Variants in PANK3 observed in about 807,000 individuals in gnomAD.
PANK3 encodes hPanK3.
In PANK3, 20 loss-of-function variants were observed where a neutral mutation model predicts 39.4. That is an observed-to-expected ratio of 0.51 (90% CI 0.36 to 0.74). The LOEUF is 0.74. PANK3 is among the 30% of genes least tolerant of loss of function. The pLI is 0.00. For synonymous variants in PANK3, 140 were observed against 157.3 expected (o/e 0.89, Z 0.82); for missense variants, 265 against 437.0 (o/e 0.61, Z 3.51).
At position 168,557,515 on chromosome 5, in the gene PANK3, T is replaced by G. The variant is rs1171131511; in HGVS notation, c.*56A>C. 29 of 1,488,424 alleles carry G rather than the reference T, an allele frequency of 1.9e-5. No homozygotes were observed. Among genetic ancestry groups the G allele is most frequent in the Non-Finnish European group, 2.5e-5 (27 of 1,068,468 alleles). 92.2% of individuals were successfully genotyped at this position (1,488,424 alleles called of 1,614,324 possible). ...TGACAAACAATGCAGTAATAATGCC[T>G]CTGGTTTTAGTTCCTCTTGGATGAC... On this transcript the variant is annotated 3_prime_UTR_variant, in exon 7 of 7. Coordinates refer to ENST00000239231, the MANE Select transcript of PANK3 (RefSeq NM_024594.4).
intron 4 of PANK3, among the ~76,000 whole-genome samples, chr5:168,563,067 T>C (rs552726447): frequency 6.6e-6 from 1 of 151,896 alleles, no homozygotes; most frequent in African/African-American, 2.4e-5. Flanking sequence ...ACTCACAAAA[T>C]ACCCTAAGAT....
At chr5:168,571,953 T>C (rs1034101799) in intron 1 of PANK3, among the ~76,000 whole-genome samples, 5 of 152,054 alleles carry the variant, frequency 3.3e-5, no homozygotes, top group Admixed American at 6.6e-5. Flanking sequence ...AAAAGTAAAA[T>C]GACATTAGAC....
chr5:168,576,688 A>G (rs1759735477), intron 1 of PANK3, among the ~76,000 whole-genome samples: 1 of 152,194 alleles, frequency 6.6e-6, no homozygotes, highest in South Asian at 2.1e-4. Context: ...TTGTTTAGCC[A>G]ATATAATATA....
chr5:168,573,020 A>G (rs1759668166), intron 1 of PANK3, among the ~76,000 whole-genome samples: 1 of 152,110 alleles, frequency 6.6e-6, no homozygotes, highest in Non-Finnish European at 1.5e-5. Context: ...GGATGAATTG[A>G]GAAACTAAAC....
intron 4 of PANK3, among the ~76,000 whole-genome samples, chr5:168,562,835 C>A (rs906658314): frequency 6.6e-6 from 1 of 152,028 alleles, no homozygotes; most frequent in African/African-American, 2.4e-5. Context: ...CAAGTTCATA[C>A]AGAAAATCAA....
In PANK3 at chr5:168,555,858, C is replaced by T. The variant is rs944746423; in HGVS notation, c.*1713G>A. On this transcript the variant is annotated 3_prime_UTR_variant, in exon 7 of 7. Coordinates refer to ENST00000239231, the MANE Select transcript of PANK3 (RefSeq NM_024594.4). ...TTCCTGAAATATCTCATATTGGCAT[C>T]CTGCCATTTCATTGTAGTGCCTATC... is the stretch of plus-strand genomic sequence containing the variant. 1 of 152,206 alleles carries T rather than the reference C, an allele frequency of 6.6e-6. No individual in the cohort carries two copies. Among genetic ancestry groups the T allele is most frequent in the Non-Finnish European group, 1.5e-5 (1 of 68,042 alleles). The allele number at this position is 152,206 out of a possible 1,614,324, so 9.4% of individuals were successfully genotyped here.
chr5:168,569,862 G>A (rs4976563), intron 1 of PANK3, among the ~76,000 whole-genome samples: 63 of 152,098 alleles, frequency 4.1e-4, no homozygotes, highest in Admixed American at 3.7e-3. Context: ...AACCAGCCTT[G>A]GCAATATAAC....
intron 1 of PANK3, among the ~76,000 whole-genome samples, chr5:168,574,855 C>G (rs1759706730): frequency 6.6e-6 from 1 of 151,726 alleles, no homozygotes; most frequent in African/African-American, 2.4e-5. Flanking sequence ...AAGCGAGACT[C>G]CATCTCAAAA....
intron 5 of PANK3, among the ~76,000 whole-genome samples, chr5:168,559,796 T>C (rs1759414741): frequency 6.6e-6 from 1 of 152,148 alleles, no homozygotes; most frequent in Admixed American, 6.5e-5. Context: ...AACAATGACA[T>C]GCAACTGTGG....
rs1759357742 is a variant in PANK3, at chr5:168,556,942, T to G, written c.*629A>C. 6.6e-6 allele frequency: 1 copy of G among 152,642 alleles called. No individual in the cohort carries two copies. The highest frequency in any genetic ancestry group is 2.4e-5 in the African/African-American group (1 of 41,450). The allele number at this position is 152,642 out of a possible 1,614,324, so 9.5% of individuals were successfully genotyped here. On this transcript the variant is annotated 3_prime_UTR_variant, in exon 7 of 7. Coordinates refer to ENST00000239231, the MANE Select transcript of PANK3 (RefSeq NM_024594.4). Reference sequence around the variant, plus strand: ...AGTGCAACATCACCAAACGTGCATTTCCCAGGATTCATTTTAGAATTCTCA... The same window carrying G: ...AGTGCAACATCACCAAACGTGCATTGCCCAGGATTCATTTTAGAATTCTCA...
At chr5:168,562,457 A>G (rs1214433335) in intron 4 of PANK3, among the ~76,000 whole-genome samples, 1 of 152,196 alleles carries the variant, frequency 6.6e-6, no homozygotes, top group Admixed American at 6.5e-5. Flanking sequence ...TGAAGCGTCT[A>G]TGCAAGGGAG....
At chr5:168,577,619 G>A (rs1473395681) in intron 1 of PANK3, among the ~76,000 whole-genome samples, 2 of 152,164 alleles carry the variant, frequency 1.3e-5, no homozygotes, top group Non-Finnish European at 1.5e-5. Context: ...GATTTCAGGT[G>A]TGACCCACCG....
In PANK3 at chr5:168,552,731, A is replaced by G. The variant is rs369359603; in HGVS notation, c.*4840T>C. The G allele has an allele frequency of 4.9e-5, 9 of 182,094 alleles. No individual in the cohort carries two copies. The East Asian group carries it at 8.9e-4, about 18-fold the overall frequency. 11.3% of individuals were successfully genotyped at this position (182,094 alleles called of 1,614,324 possible). On this transcript the variant is annotated 3_prime_UTR_variant, in exon 7 of 7. Coordinates refer to ENST00000239231, the MANE Select transcript of PANK3 (RefSeq NM_024594.4). ...AAAACGCCATGCCTCAAGACCTATC[A>G]TATGTAAAGTCCTTCCTGCCCTTTC...
At position 168,557,235 on chromosome 5, in the gene PANK3, C is replaced by G; in HGVS notation, c.*336G>C. On this transcript the variant is annotated 3_prime_UTR_variant, in exon 7 of 7. Coordinates refer to ENST00000239231, the MANE Select transcript of PANK3 (RefSeq NM_024594.4). ...ACAAATATTCAGAGTCGATTATTTT[C>G]ATAAGCTAAACAGTTCCGATACTTT... is the stretch of plus-strand genomic sequence containing the variant. 2.5e-5 allele frequency: 4 copies of G among 159,572 alleles called. No individual in the cohort carries two copies. The highest frequency in any genetic ancestry group is 6.2e-5 in the Admixed American group (1 of 16,180). The allele number at this position is 159,572 out of a possible 1,614,324, so 9.9% of individuals were successfully genotyped here. A position where few individuals can be genotyped will look rare whatever the true frequency, so the allele number is the denominator to read the frequency against.
At position 168,557,504 on chromosome 5, in the gene PANK3, GTAA is replaced by G; in HGVS notation, c.*64_*66del. Reference sequence around the variant, plus strand: ...TTGGTTCCCAGTGACAAACAATGCAGTAATAATGCCTCTGGTTTTAGTTCCTCT... The same window carrying G: ...TTGGTTCCCAGTGACAAACAATGCAGTAATGCCTCTGGTTTTAGTTCCTCT... On this transcript the variant is annotated 3_prime_UTR_variant, in exon 7 of 7. Coordinates refer to ENST00000239231, the MANE Select transcript of PANK3 (RefSeq NM_024594.4). The G allele has an allele frequency of 2.1e-6, 3 of 1,410,524 alleles. No individual in the cohort carries two copies. The highest frequency in any genetic ancestry group is 3.0e-6 in the Non-Finnish European group (3 of 998,882). 87.4% of individuals were successfully genotyped at this position (1,410,524 alleles called of 1,614,324 possible).
intron 1 of PANK3, chr5:168,578,812 A>G (rs1759775553): frequency 6.3e-6 from 1 of 158,052 alleles, no homozygotes. Flanking sequence ...AACTGTAACA[A>G]CAGTGACAAC....
intron 1 of PANK3, among the ~76,000 whole-genome samples, chr5:168,576,926 C>T (rs1371643005): frequency 6.6e-6 from 1 of 151,942 alleles, no homozygotes; most frequent in African/African-American, 2.4e-5. Context: ...GTTGCCCAGG[C>T]TGGAGTGCAG....
rs546540858 is a variant in PANK3, at chr5:168,556,935, G to T, written c.*636C>A. On this transcript the variant is annotated 3_prime_UTR_variant, in exon 7 of 7. Coordinates refer to ENST00000239231, the MANE Select transcript of PANK3 (RefSeq NM_024594.4). ...TACAGAAAGTGCAACATCACCAAAC[G>T]TGCATTTCCCAGGATTCATTTTAGA... is the stretch of plus-strand genomic sequence containing the variant. 6.6e-6 allele frequency: 1 copy of T among 152,480 alleles called. No individual in the cohort carries two copies. Among genetic ancestry groups the T allele is most frequent in the Non-Finnish European group, 1.5e-5 (1 of 68,032 alleles). The allele number at this position is 152,480 out of a possible 1,614,324, so 9.4% of individuals were successfully genotyped here. A position where few individuals can be genotyped will look rare whatever the true frequency, so the allele number is the denominator to read the frequency against.
chr5:168,562,807 A>T (rs1229806476), intron 4 of PANK3, among the ~76,000 whole-genome samples: 1 of 152,192 alleles, frequency 6.6e-6, no homozygotes, highest in Non-Finnish European at 1.5e-5. Context: ...ACATTTTTGT[A>T]ATAGAGAAAA....
Sources: gnomAD v4.1 joint callset for allele counts (sites outside exome capture counted in the v4.1 genomes callset) on GRCh38, gnomAD v4.1.1 for gene constraint, MANE v1.5 for transcripts, NCBI Gene and HGNC (gene_info 2026-07-23, HGNC 2026-07-21) for gene names.